UBAC2: variants seen among roughly 807,000 people sequenced by gnomAD.
UBAC2 encodes UBA domain containing 2, also known as ubiquitin-associated domain-containing protein 2.
A neutral mutation model predicts 44.0 loss-of-function variants in UBAC2; 26 were observed. The observed-to-expected ratio is 0.59, with a 90% CI of 0.43 to 0.82. The LOEUF is 0.82. Among genes scored for constraint, UBAC2 ranks in the 40% least tolerant of loss-of-function variants. The pLI is 0.00. For missense variants in UBAC2, 329 were observed against 419.4 expected (o/e 0.78, Z 1.88); for synonymous variants, 155 against 154.3 (o/e 1.00, Z -0.04).
chr13:99,203,018 T>C (rs2042823711), intron 1 of UBAC2, among the ~76,000 whole-genome samples: 1 of 130,070 alleles, frequency 7.7e-6, no homozygotes, highest in African/African-American at 2.9e-5. Context: ...ATTTCCTTTG[T>C]TTTATTTTAT....
At chr13:99,241,264 CAAAAAA>C (rs35336464) in intron 2 of UBAC2, among the ~76,000 whole-genome samples, 10 of 114,848 alleles carry the variant, frequency 8.7e-5, no homozygotes, top group Non-Finnish European at 1.1e-4. Context: ...GACCCTGTCT[CAAAAAA>C]AAAAAAAAAA....
At chr13:99,242,709 G>C (rs1159015627) in intron 2 of UBAC2, among the ~76,000 whole-genome samples, 1 of 147,492 alleles carries the variant, frequency 6.8e-6, no homozygotes, top group African/African-American at 2.5e-5. Flanking sequence ...CCTCCCCGAC[G>C]GGGCGGCTGG....
chr13:99,363,140 C>T (rs2045287192), intron 7 of UBAC2, among the ~76,000 whole-genome samples: 1 of 152,172 alleles, frequency 6.6e-6, no homozygotes, highest in Non-Finnish European at 1.5e-5. Flanking sequence ...AGTACGGGCT[C>T]ATAACCAAGT....
chr13:99,338,304 C>G (rs140536323), intron 6 of UBAC2, among the ~76,000 whole-genome samples: 1 of 151,956 alleles, frequency 6.6e-6, no homozygotes, highest in Non-Finnish European at 1.5e-5. Context: ...GTGATCCGCC[C>G]GCCTTGGCCT....
At chr13:99,201,366 A>C (rs1247803473) in intron 1 of UBAC2, 12 of 1,577,140 alleles carry the variant, frequency 7.6e-6, no homozygotes, top group Non-Finnish European at 9.5e-6. Context: ...CCCCACTTGC[A>C]AAGTTCAGCC....
At chr13:99,373,997 T>C (rs2045445400) in intron 8 of UBAC2, among the ~76,000 whole-genome samples, 1 of 152,214 alleles carries the variant, frequency 6.6e-6, no homozygotes, top group African/African-American at 2.4e-5. Flanking sequence ...GGTGCATTAA[T>C]ATTAATAATA....
rs539905732 is a variant in UBAC2, at chr13:99,262,352, A to C, written c.389+17728A>C. ...GGGGTCTTGGAATGTATCCTCTGAG[A>C]ATAAGGGGGAACCACTGTATAGTTA... On this transcript the variant is annotated intron_variant, in intron 4 of 8. Coordinates refer to ENST00000403766, the MANE Select transcript of UBAC2 (RefSeq NM_001144072.2). 7.9e-5 allele frequency among the ~76,000 whole-genome samples: 12 copies of C among 152,290 alleles called. No homozygotes were observed. The South Asian group carries it at 2.1e-3, about 26-fold the overall frequency.
chr13:99,359,947 A>G (rs188834112), intron 7 of UBAC2, among the ~76,000 whole-genome samples: 1 of 152,240 alleles, frequency 6.6e-6, no homozygotes, highest in Non-Finnish European at 1.5e-5. Context: ...TGGCATGCTG[A>G]TAAAGGCTTT....
At chr13:99,298,537 A>G (rs944830373) in intron 4 of UBAC2, among the ~76,000 whole-genome samples, 1 of 152,206 alleles carries the variant, frequency 6.6e-6, no homozygotes, top group Non-Finnish European at 1.5e-5. Flanking sequence ...TATTTAAAAA[A>G]GGAAAGATTT....
chr13:99,224,880 G>A (rs901762695), intron 1 of UBAC2, among the ~76,000 whole-genome samples: 4 of 152,294 alleles, frequency 2.6e-5, no homozygotes, highest in African/African-American at 7.2e-5. Context: ...CAAATCTTGA[G>A]TTGATGAGCG....
At chr13:99,327,873 A>C (rs1019450065) in intron 6 of UBAC2, among the ~76,000 whole-genome samples, 1 of 152,194 alleles carries the variant, frequency 6.6e-6, no homozygotes, top group African/African-American at 2.4e-5. Flanking sequence ...TTTACATACA[A>C]TAGAACTCAC....
intron 4 of UBAC2, among the ~76,000 whole-genome samples, chr13:99,301,607 T>C (rs1171123884): frequency 6.6e-6 from 1 of 152,154 alleles, no homozygotes; most frequent in East Asian, 1.9e-4. Context: ...ACCGGACATG[T>C]TGACATGAAC....
intron 4 of UBAC2, among the ~76,000 whole-genome samples, chr13:99,250,859 G>C (rs1329561713): frequency 2.6e-5 from 4 of 152,020 alleles, no homozygotes; most frequent in African/African-American, 9.7e-5. Flanking sequence ...CAATTCTCCT[G>C]CCTCAGCCTC....
At chr13:99,351,868 T>G (rs1283762288) in intron 7 of UBAC2, 2 of 419,204 alleles carry the variant, frequency 4.8e-6, no homozygotes, top group East Asian at 1.4e-4. Flanking sequence ...GATTATCACC[T>G]CTGTGTTTTG....
intron 4 of UBAC2, among the ~76,000 whole-genome samples, chr13:99,267,023 C>T (rs975429232): frequency 4.6e-5 from 7 of 152,140 alleles, no homozygotes; most frequent in Non-Finnish European, 8.8e-5. Flanking sequence ...CTCTCACACT[C>T]GCCCTTCCCT....
chr13:99,215,634 G>A (rs912784202), intron 1 of UBAC2: 19 of 1,333,032 alleles, frequency 1.4e-5, no homozygotes, highest in African/African-American at 4.3e-5. Flanking sequence ...TCTGTGACCC[G>A]TCGTCCTAGA....
chr13:99,201,168 C>G (rs1279773998), intron 1 of UBAC2: 1 of 1,364,888 alleles, frequency 7.3e-7, no homozygotes, highest in Admixed American at 3.3e-5. Flanking sequence ...CGCCCCGACC[C>G]CACCTGGTAT....
intron 4 of UBAC2, chr13:99,294,610 A>G (rs770322872): frequency 4.6e-4 from 71 of 153,950 alleles, no homozygotes; most frequent in Non-Finnish European, 5.5e-4. Context: ...GAAACAAAAC[A>G]AAACATTGGT....
At chr13:99,344,927 A>G (rs1964898) in intron 7 of UBAC2, among the ~76,000 whole-genome samples, 39,504 of 152,166 alleles carry the variant, frequency 0.26, 5,878 homozygotes, top group African/African-American at 0.41. Context: ...AGGCAGTTGT[A>G]GTTGAAATAG....
Sources: gnomAD v4.1 joint callset for allele counts (sites outside exome capture counted in the v4.1 genomes callset) on GRCh38, gnomAD v4.1.1 for gene constraint, MANE v1.5 for transcripts, NCBI Gene and HGNC (gene_info 2026-07-23, HGNC 2026-07-21) for gene names.